PHACTR1: variants seen among roughly 807,000 people sequenced by gnomAD.
PHACTR1 encodes phosphatase and actin regulator 1, also known as RPEL repeat containing 1.
Under a neutral mutation model 69.2 loss-of-function variants are expected in PHACTR1, and 16 were observed. The observed-to-expected ratio is 0.23, with a 90% CI of 0.16 to 0.35. The LOEUF (loss-of-function observed/expected upper bound fraction) is 0.35. Among genes scored for constraint, PHACTR1 ranks in the 10% least tolerant of loss-of-function variants. The pLI is 1.00. For missense variants in PHACTR1, 510 were observed against 734.7 expected, an observed-to-expected ratio of 0.69 and a Z score of 3.54; for synonymous variants, 312 against 284.5, an observed-to-expected ratio of 1.10 and a Z score of -0.97.
At chr6:13,231,086 A>AGGAAGGAAG (rs369662349) in intron 10 of PHACTR1, among the ~76,000 whole-genome samples, 1,216 of 40,486 alleles carry the variant, frequency 0.03, 184 homozygotes, top group East Asian at 0.085. Context: ...GAAGGAAGGA[A>AGGAAGGAAG]GAAGGAAGGA....
At chr6:12,737,161 C>A (rs1481411040) in intron 3 of PHACTR1, among the ~76,000 whole-genome samples, 1 of 152,108 alleles carries the variant, frequency 6.6e-6, no homozygotes, top group African/African-American at 2.4e-5. Context: ...TAGACTACTA[C>A]ACACCTAGGC....
chr6:13,024,574 G>A (rs1801425453), intron 4 of PHACTR1, among the ~76,000 whole-genome samples: 1 of 152,122 alleles, frequency 6.6e-6, no homozygotes. Context: ...CACCAGACAG[G>A]AGCTCATCAT....
intron 4 of PHACTR1, among the ~76,000 whole-genome samples, chr6:12,977,250 C>A (rs1314507578): frequency 1.3e-5 from 2 of 152,062 alleles, no homozygotes; most frequent in Non-Finnish European, 2.9e-5. Context: ...CCGCGCCTGG[C>A]CAAAAATGAT....
At chr6:12,909,382 G>C (rs566866429) in intron 4 of PHACTR1, among the ~76,000 whole-genome samples, 1 of 152,284 alleles carries the variant, frequency 6.6e-6, no homozygotes, top group South Asian at 2.1e-4. Context: ...CAGGCTATTA[G>C]GAACTATTGT....
intron 4 of PHACTR1, among the ~76,000 whole-genome samples, chr6:12,889,797 C>T (rs1240899582): frequency 3.8e-4 from 50 of 132,960 alleles, no homozygotes; most frequent in African/African-American, 1.1e-3. Context: ...CTCCTTCTTC[C>T]TTTTTTTTTT....
chr6:13,071,327 C>T (rs1809490912), intron 5 of PHACTR1, among the ~76,000 whole-genome samples: 1 of 152,034 alleles, frequency 6.6e-6, no homozygotes, highest in Non-Finnish European at 1.5e-5. Flanking sequence ...ACATGGGAGG[C>T]TGAGGCAGGA....
At chr6:12,844,009 A>C (rs1778950228) in intron 4 of PHACTR1, among the ~76,000 whole-genome samples, 1 of 152,216 alleles carries the variant, frequency 6.6e-6, no homozygotes, top group Non-Finnish European at 1.5e-5. Context: ...AATCACTTTG[A>C]GTCAATCTTT....
At chr6:13,108,119 T>C (rs1352442343) in intron 5 of PHACTR1, among the ~76,000 whole-genome samples, 1 of 152,150 alleles carries the variant, frequency 6.6e-6, no homozygotes, top group Admixed American at 6.5e-5. Context: ...GTTTCTTTTA[T>C]GATTTCTTCT....
intron 4 of PHACTR1, among the ~76,000 whole-genome samples, chr6:13,033,534 T>C (rs1277509346): frequency 6.6e-6 from 1 of 152,190 alleles, no homozygotes; most frequent in African/African-American, 2.4e-5. Context: ...TTAGCAGTTA[T>C]TGGCAATTAG....
At chr6:12,988,567 A>G (rs920103282) in intron 4 of PHACTR1, among the ~76,000 whole-genome samples, 1 of 152,234 alleles carries the variant, frequency 6.6e-6, no homozygotes, top group Non-Finnish European at 1.5e-5. Flanking sequence ...AATGTTCGCA[A>G]AGTACCTAAG....
intron 4 of PHACTR1, among the ~76,000 whole-genome samples, chr6:12,771,817 T>C (rs1467329004): frequency 1.3e-5 from 2 of 151,740 alleles, no homozygotes; most frequent in African/African-American, 4.8e-5. Context: ...TGCAGAAAAA[T>C]AGGAGCCACT....
At chr6:12,899,916 A>G (rs1279331299) in intron 4 of PHACTR1, among the ~76,000 whole-genome samples, 1 of 152,154 alleles carries the variant, frequency 6.6e-6, no homozygotes, top group African/African-American at 2.4e-5. Flanking sequence ...TGGTGGTCAC[A>G]AGAGGGCCAT....
chr6:13,281,161 C>T (rs1241409248), intron 12 of PHACTR1: 1 of 1,267,326 alleles, frequency 7.9e-7, no homozygotes, highest in South Asian at 1.3e-5. Flanking sequence ...CAGACTCTGC[C>T]ATAGATAGGA....
In PHACTR1 at chr6:13,220,687, A is replaced by T. The variant is rs151035189; in HGVS notation, c.987-7129A>T. ...TTCTTAGGAAAAAGACCTCTAGAGCACTATTTCCAAAAATCCTAATGCTCC... is the reference window on the plus strand; with the variant it reads ...TTCTTAGGAAAAAGACCTCTAGAGCTCTATTTCCAAAAATCCTAATGCTCC... On this transcript the variant is annotated intron_variant, in intron 8 of 14. Coordinates refer to ENST00000332995, the MANE Select transcript of PHACTR1 (RefSeq NM_030948.6). 1.8e-3 allele frequency among the ~76,000 whole-genome samples: 272 copies of T among 152,340 alleles called. 1 individual carries two copies. The highest frequency in any genetic ancestry group is 6.1e-3 in the African/African-American group (255 of 41,584).
At chr6:13,075,300 C>G (rs1332806692) in intron 5 of PHACTR1, among the ~76,000 whole-genome samples, 1 of 152,070 alleles carries the variant, frequency 6.6e-6, no homozygotes, top group Non-Finnish European at 1.5e-5. Context: ...AAGCAACTTG[C>G]CCCAAGGTCG....
chr6:12,779,265 G>A (rs917519729), intron 4 of PHACTR1, among the ~76,000 whole-genome samples: 1 of 152,174 alleles, frequency 6.6e-6, no homozygotes, highest in African/African-American at 2.4e-5. Context: ...AACCTGGGAG[G>A]CAGAGATTGC....
Position 12,837,661 on chromosome 6 carries a change from C to T in PHACTR1, c.250+87871C>T, listed in dbSNP as rs144725448. On this transcript the variant is annotated intron_variant, in intron 4 of 14. Coordinates refer to ENST00000332995, the MANE Select transcript of PHACTR1 (RefSeq NM_030948.6). The stretch of plus-strand genomic sequence containing the variant: ...TCTATGAATTGCAGCCCTACCCCAA[C>T]GTAGCTATGTGGCCCTGGGCAAGTT... Among the ~76,000 whole-genome samples, 18 of 151,610 alleles carry T rather than the reference C, an allele frequency of 1.2e-4. No homozygotes were observed. In the East Asian group the frequency reaches 2.1e-3, roughly 18 times the overall value.
chr6:13,243,021 A>C (rs1286944891), intron 10 of PHACTR1, among the ~76,000 whole-genome samples: 1 of 152,338 alleles, frequency 6.6e-6, no homozygotes, highest in Middle Eastern at 3.4e-3. Flanking sequence ...TCCATGAAGA[A>C]GGCGCAGATC....
intron 4 of PHACTR1, among the ~76,000 whole-genome samples, chr6:13,036,459 T>A (rs1803324072): frequency 6.6e-6 from 1 of 152,226 alleles, no homozygotes; most frequent in African/African-American, 2.4e-5. Context: ...GGGGTCATTA[T>A]CTTTTTACAG....
Sources: gnomAD v4.1 joint callset for allele counts (sites outside exome capture counted in the v4.1 genomes callset) on GRCh38, gnomAD v4.1.1 for gene constraint, MANE v1.5 for transcripts, NCBI Gene and HGNC (gene_info 2026-07-23, HGNC 2026-07-21) for gene names.